PREX1: variants seen among roughly 807,000 people sequenced by gnomAD.
PREX1 encodes phosphatidylinositol-3,4,5-trisphosphate dependent Rac exchange factor 1, also known as phosphatidylinositol 3,4,5-trisphosphate-dependent Rac exchanger 1 protein.
PREX1 carries 41 observed loss-of-function variants against 198.3 expected under a neutral mutation model. The observed-to-expected ratio is 0.21, with a 90% confidence interval of 0.16 to 0.27. The LOEUF (loss-of-function observed/expected upper bound fraction) is 0.27, where lower values mean the gene tolerates loss of function less well. Ranked by LOEUF, PREX1 falls within the 10% of genes least tolerant of loss-of-function variation. PREX1 has a pLI of 1.00. For missense variants in PREX1, 1,620 were observed against 2,200.7 expected, an observed-to-expected ratio of 0.74 and a Z score of 5.28; for synonymous variants, 843 against 887.2, an observed-to-expected ratio of 0.95 and a Z score of 0.89.
At chr20:48,665,318 TTCCAGACGGCCTGAATTCTAATCCCGAC>T (rs2089630727) in intron 15 of PREX1, among the ~76,000 whole-genome samples, 1 of 103,186 alleles carries the variant, frequency 9.7e-6, no homozygotes, top group Non-Finnish European at 2.0e-5. Flanking sequence ...CTAATCCTGG[TTCCAGACGGCCTGAATTCTAATCCCGAC>T]TCCAGACGGC....
intron 17 of PREX1, among the ~76,000 whole-genome samples, chr20:48,657,860 ACCTGCTTTTTT>A (rs2089557399): frequency 6.6e-6 from 1 of 152,116 alleles, no homozygotes; most frequent in African/African-American, 2.4e-5. Flanking sequence ...AAACTGAGAC[ACCTGCTTTTTT>A]CCTGTACCTC....
chr20:48,844,011 G>A, the PREX1 span, among the ~76,000 whole-genome samples: 1 of 152,032 alleles, frequency 6.6e-6, no homozygotes, highest in Non-Finnish European at 1.5e-5. Flanking sequence ...ATGGTGGCAT[G>A]CAACACTAGT....
rs373710294 is a variant in PREX1, at chr20:48,653,443, T to C, written c.2264A>G (p.Asn755Ser). ...LCAGQCILKV[N>S]GSNVMNDGAP... Reference sequence around the variant, plus strand: ...ACCATCGTTCATCACGTTGCTGCCATTGACCTTCAGAATGCACTGACCAGC... The same window carrying C: ...ACCATCGTTCATCACGTTGCTGCCACTGACCTTCAGAATGCACTGACCAGC... Residue 755 changes from asparagine to serine, a missense_variant, in exon 20 of 40, where the codon AAT (asparagine) becomes AGT (serine). By Grantham distance (46) the Asn-to-Ser change is conservative. This residue lies in a region of PREX1 where 514 missense variants were observed against 611.6 expected (regional missense o/e 0.84). Coordinates refer to ENST00000371941, the MANE Select transcript of PREX1 (RefSeq NM_020820.4). 7.6e-5 allele frequency: 122 copies of C among 1,613,764 alleles called. 1 individual carries two copies. The highest frequency in any genetic ancestry group is 3.3e-4 in the Middle Eastern group (2 of 6,084).
chr20:48,805,064 T>C (rs1166234450), intron 1 of PREX1, among the ~76,000 whole-genome samples: 2 of 152,092 alleles, frequency 1.3e-5, no homozygotes, highest in Non-Finnish European at 2.9e-5. Flanking sequence ...AGAATGATAA[T>C]GAAGTGACAG....
upstream of PREX1, among the ~76,000 whole-genome samples, chr20:48,829,723 A>C (rs1417927875): frequency 6.6e-6 from 1 of 152,130 alleles, no homozygotes; most frequent in Admixed American, 6.5e-5. Flanking sequence ...CCGTTTCCTC[A>C]TCTTTAAATT....
intron 26 of PREX1, 126 bp downstream of exon 26, chr20:48,645,725 C>G: frequency 1.8e-6 from 2 of 1,098,222 alleles, no homozygotes; most frequent in Non-Finnish European, 2.6e-6. Flanking sequence ...ACGCTATCAG[C>G]AACAGCACCC....
chr20:48,679,522 G>C, intron 12 of PREX1, 113 bp from the exon 13 acceptor site: 1 of 1,390,012 alleles, frequency 7.2e-7, no homozygotes, highest in Non-Finnish European at 1.0e-6. Flanking sequence ...GGGTAATGGG[G>C]GCAGGGGTGA....
At chr20:48,712,604 G>A (rs6019388) in intron 5 of PREX1, among the ~76,000 whole-genome samples, 8,374 of 152,242 alleles carry the variant, frequency 0.055, 514 homozygotes, top group African/African-American at 0.15. Flanking sequence ...CTATCTGTCC[G>A]CCTCTATCTC....
intron 29 of PREX1, among the ~76,000 whole-genome samples, chr20:48,641,857 AGG>A (rs2089414955): frequency 3.4e-5 from 2 of 58,136 alleles, no homozygotes; most frequent in South Asian, 2.0e-3. Flanking sequence ...GAAGGAAGGA[AGG>A]AAGGAAGGAA....
intron 1 of PREX1, among the ~76,000 whole-genome samples, chr20:48,771,673 C>T (rs1601125967): frequency 6.6e-6 from 1 of 152,140 alleles, no homozygotes; most frequent in African/African-American, 2.4e-5. Flanking sequence ...CAAGCCTTAT[C>T]AGCCGTGCAG....
chr20:48,676,893 CA>C (rs1408881311), intron 13 of PREX1, among the ~76,000 whole-genome samples: 14 of 152,320 alleles, frequency 9.2e-5, no homozygotes, highest in Admixed American at 7.2e-4. Context: ...CAGGGCCGAG[CA>C]GCACAGAGGC....
At chr20:48,671,254 C>T (rs189885122) in intron 14 of PREX1, among the ~76,000 whole-genome samples, 69 of 152,266 alleles carry the variant, frequency 4.5e-4, no homozygotes, top group Middle Eastern at 3.4e-3. Flanking sequence ...TCCCCTAATA[C>T]ACAGAAAGAA....
intron 18 of PREX1, 75 bp from the exon 19 acceptor site, chr20:48,655,450 C>T (rs977982434): frequency 1.6e-6 from 2 of 1,250,740 alleles, no homozygotes; most frequent in African/African-American, 1.6e-5. Context: ...CCGGTGCCAA[C>T]CCAGAGACTT....
chr20:48,802,012 G>A (rs1407453058), intron 1 of PREX1, among the ~76,000 whole-genome samples: 1 of 152,128 alleles, frequency 6.6e-6, no homozygotes, highest in Non-Finnish European at 1.5e-5. Flanking sequence ...CCATGGCCAT[G>A]CCCTTGAACT....
At chr20:48,637,859 C>T in intron 30 of PREX1, 107 bp from the exon 31 acceptor site, 1 of 961,358 alleles carries the variant, frequency 1.0e-6, no homozygotes, top group East Asian at 2.6e-5. Context: ...TGCTCTGACC[C>T]TTCACAGCAA....
intron 1 of PREX1, among the ~76,000 whole-genome samples, chr20:48,792,413 T>G (rs2090342574): frequency 6.6e-6 from 1 of 152,046 alleles, no homozygotes; most frequent in Non-Finnish European, 1.5e-5. Flanking sequence ...GAGGTTGCTG[T>G]GAGCCAAGAT....
In PREX1 at chr20:48,745,091, G is replaced by A. The variant is rs2090101599; in HGVS notation, c.348C>T (p.Ala116=). ...GCTCCGGGTGTAAACAATACTCCAA[G>A]GCGGCCAAGAAATCCTTATGAACTT... ...ILEVHKDFLA[A]LEYCLHPEPQ... The change falls in exon 3 of 40, where the codon GCC becomes GCT. Residue 116 remains alanine, a synonymous_variant. Coordinates refer to ENST00000371941, the MANE Select transcript of PREX1 (RefSeq NM_020820.4). 2 of 1,614,202 alleles carry A rather than the reference G, an allele frequency of 1.2e-6. No individual in the cohort carries two copies. The highest frequency in any genetic ancestry group is 2.2e-5 in the South Asian group (2 of 91,078).
intron 16 of PREX1, among the ~76,000 whole-genome samples, chr20:48,659,259 A>AGGAAGGAAGGAAGGAAGGAC (rs1291437800): frequency 7.0e-6 from 1 of 141,874 alleles, no homozygotes; most frequent in East Asian, 2.2e-4. Flanking sequence ...GAAGGAAGGA[A>AGGAAGGAAGGAAGGAAGGAC]GGACGGGCAC....
chr20:48,826,791 G>A (rs2090510849), intron 1 of PREX1, among the ~76,000 whole-genome samples: 1 of 152,130 alleles, frequency 6.6e-6, no homozygotes, highest in South Asian at 2.1e-4. Context: ...CCCGGGAGGC[G>A]GAGGTTGCAG....
Sources: allele counts gnomAD v4.1 joint callset (sites outside exome capture counted in the v4.1 genomes callset), GRCh38; gene constraint gnomAD v4.1.1; regional missense constraint gnomAD v4.1.1; transcripts MANE v1.5; gene names NCBI Gene and HGNC (gene_info 2026-07-23, HGNC 2026-07-21).